Variants in GFRAL observed in about 807,000 individuals in gnomAD.
GFRAL encodes the protein GDNF family receptor alpha-like.
In GFRAL, 36 loss-of-function variants were observed where a neutral mutation model predicts 45.4. That is an observed-to-expected ratio of 0.79 (90% CI 0.61 to 1.05). The LOEUF (loss-of-function observed/expected upper bound fraction) is 1.05, where lower values mean the gene tolerates loss of function less well. GFRAL is among the 50% of genes least tolerant of loss of function. The pLI is 0.00. For missense variants in GFRAL, 507 were observed against 467.5 expected, an observed-to-expected ratio of 1.08 and a Z score of -0.78; for synonymous variants, 166 against 154.1, an observed-to-expected ratio of 1.08 and a Z score of -0.57.
intron 1 of GFRAL, among the ~76,000 whole-genome samples, chr6:55,329,768 T>A (rs557944984): frequency 1.8e-3 from 277 of 152,138 alleles, no homozygotes; most frequent in Non-Finnish European, 3.1e-3. Context: ...CCAAATGCAG[T>A]GACCCAGCAA....
intron 6 of GFRAL, among the ~76,000 whole-genome samples, chr6:55,368,721 C>A (rs577661585): frequency 9.1e-4 from 138 of 152,252 alleles, no homozygotes; most frequent in African/African-American, 3.1e-3. Context: ...TCAGTCTGCC[C>A]CTGCTGGGGG....
At chr6:55,372,642 T>G (rs1246070609) in intron 6 of GFRAL, among the ~76,000 whole-genome samples, 1 of 152,042 alleles carries the variant, frequency 6.6e-6, no homozygotes, top group Non-Finnish European at 1.5e-5. Flanking sequence ...CATTTTATGG[T>G]TCGATGGTGG....
intron 6 of GFRAL, among the ~76,000 whole-genome samples, chr6:55,388,282 T>C (rs538499653): frequency 4.6e-5 from 7 of 152,282 alleles, no homozygotes; most frequent in African/African-American, 1.7e-4. Flanking sequence ...CCTGAGTGCA[T>C]GTCTGCTTTA....
intron 5 of GFRAL, among the ~76,000 whole-genome samples, chr6:55,358,277 A>G (rs1009567228): frequency 1.3e-5 from 2 of 151,974 alleles, no homozygotes; most frequent in Non-Finnish European, 2.9e-5. Flanking sequence ...TCTTGCATTC[A>G]TTAATAAAAA....
At chr6:55,347,473 A>G (rs1768058264) in intron 3 of GFRAL, among the ~76,000 whole-genome samples, 1 of 152,126 alleles carries the variant, frequency 6.6e-6, no homozygotes, top group Non-Finnish European at 1.5e-5. Context: ...TCTGAGGTAG[A>G]GGAGAATATT....
At chr6:55,362,143 A>C (rs1447802380) in intron 6 of GFRAL, among the ~76,000 whole-genome samples, 1 of 151,978 alleles carries the variant, frequency 6.6e-6, no homozygotes, top group Non-Finnish European at 1.5e-5. Flanking sequence ...TTCTTGGAAC[A>C]AAAATTTTTC....
intron 6 of GFRAL, among the ~76,000 whole-genome samples, chr6:55,368,708 G>A (rs1562058862): frequency 6.6e-6 from 1 of 152,172 alleles, no homozygotes; most frequent in Non-Finnish European, 1.5e-5. Flanking sequence ...GCCCTGTGAG[G>A]TGTCAGTCTG....
intron 4 of GFRAL, 117 bp downstream of exon 4, chr6:55,350,262 T>C: frequency 1.6e-6 from 1 of 621,126 alleles, no homozygotes. Flanking sequence ...GTTTAACAGT[T>C]CTAATATAAT....
chr6:55,367,908 C>T lies in GFRAL; in HGVS notation c.952+8770C>T, dbSNP rs541087239. On this transcript the variant is annotated intron_variant, in intron 6 of 8. Transcript: ENST00000340465. ...TTCATTTCAACTTTGGTGAATCTGA[C>T]AATTATGTGTCTTGGAGTTGCTCTT... is the stretch of plus-strand genomic sequence containing the variant. Among the ~76,000 whole-genome samples, 3 of 149,540 alleles carry T rather than the reference C, an allele frequency of 2.0e-5. 1 individual carries two copies. In the South Asian group the frequency reaches 6.4e-4, roughly 32 times the overall value.
intron 6 of GFRAL, among the ~76,000 whole-genome samples, chr6:55,364,608 T>C (rs1283979803): frequency 6.8e-6 from 1 of 148,114 alleles, no homozygotes; most frequent in Non-Finnish European, 1.5e-5. Flanking sequence ...CTTGAATTGA[T>C]TTTTGTATAA....
intron 6 of GFRAL, among the ~76,000 whole-genome samples, chr6:55,392,948 G>C (rs1481619441): frequency 1.3e-5 from 2 of 152,132 alleles, no homozygotes; most frequent in South Asian, 2.1e-4. Flanking sequence ...AATTTGCTTG[G>C]CTCCCAGAAA....
intron 2 of GFRAL, 92 bp from the exon 3 acceptor site, chr6:55,333,694 A>C (rs993577991): frequency 3.0e-6 from 2 of 673,152 alleles, no homozygotes; most frequent in Admixed American, 6.1e-5. Flanking sequence ...TTAATTAATT[A>C]TTCAGGTTAA....
At chr6:55,332,182 CAT>C (rs1213294528) in intron 2 of GFRAL, among the ~76,000 whole-genome samples, 5 of 152,122 alleles carry the variant, frequency 3.3e-5, no homozygotes, top group Non-Finnish European at 7.4e-5. Flanking sequence ...ATTTTGATTA[CAT>C]ATGTCAATGA....
Position 55,401,786 on chromosome 6 carries a change from ACAGAACTTC to A in GFRAL, c.1124_1132del (p.Thr375_Arg377del). The A allele has an allele frequency of 1.4e-6, 2 of 1,467,252 alleles. No homozygotes were observed. Among genetic ancestry groups the A allele is most frequent in the Admixed American group, 3.4e-5 (2 of 59,650 alleles). The allele number at this position is 1,467,252 out of a possible 1,614,324, so 90.9% of individuals were successfully genotyped here. On this transcript the variant is annotated splice_acceptor_variant and splice_polypyrimidine_tract_variant and coding_sequence_variant and intron_variant, in exon 9 of 9. Transcript: ENST00000340465. LOFTEE classifies it high-confidence loss of function. ...TTGTTAACTTTTACTTTTATTTTATACAGAACTTCCAGAATATCAAGTAAAGCAAGAGAT... is the reference window on the plus strand; with the variant it reads ...TTGTTAACTTTTACTTTTATTTTATACAGAATATCAAGTAAAGCAAGAGAT...
At chr6:55,332,884 T>C (rs1767848423) in intron 2 of GFRAL, among the ~76,000 whole-genome samples, 1 of 151,376 alleles carries the variant, frequency 6.6e-6, no homozygotes, top group African/African-American at 2.4e-5. Flanking sequence ...TAGAATAAAC[T>C]GTCTATGTGG....
chr6:55,396,010 C>T (rs78278459), intron 6 of GFRAL, among the ~76,000 whole-genome samples: 3 of 152,024 alleles, frequency 2.0e-5, no homozygotes, highest in Non-Finnish European at 2.9e-5. Flanking sequence ...AGCAGATGGT[C>T]TGGGGCTGAG....
intron 3 of GFRAL, among the ~76,000 whole-genome samples, chr6:55,339,400 G>A (rs1036870358): frequency 6.6e-6 from 1 of 152,044 alleles, no homozygotes; most frequent in Admixed American, 6.6e-5. Context: ...TCATCAAGCT[G>A]GCATTGGGAA....
chr6:55,349,273 A>G (rs1768084626), intron 3 of GFRAL, among the ~76,000 whole-genome samples: 1 of 152,144 alleles, frequency 6.6e-6, no homozygotes, highest in African/African-American at 2.4e-5. Flanking sequence ...CAAACAGCTC[A>G]GATTAGGACA....
At chr6:55,383,245 T>C (rs1292333052) in intron 6 of GFRAL, among the ~76,000 whole-genome samples, 1 of 150,408 alleles carries the variant, frequency 6.6e-6, no homozygotes, top group Non-Finnish European at 1.5e-5. Flanking sequence ...ACATTTTAAA[T>C]AGCAATTACC....
Sources: gnomAD v4.1 joint callset for allele counts (sites outside exome capture counted in the v4.1 genomes callset) on GRCh38, gnomAD v4.1.1 for gene constraint, MANE v1.5 for transcripts, NCBI Gene and HGNC (gene_info 2026-07-23, HGNC 2026-07-21) for gene names.